Variants in DMD observed in about 807,000 individuals in gnomAD.
DMD encodes the protein dystrophin.
A neutral mutation model predicts 330.1 loss-of-function variants in DMD; 63 were observed. The ratio of observed to expected loss-of-function variants is 0.19; its 90% CI spans 0.16 to 0.24. DMD has a LOEUF of 0.24. Among genes scored for constraint, DMD ranks in the 10% least tolerant of loss-of-function variants. The pLI is 1.00. For synonymous variants in DMD, 1,223 were observed against 959.8 expected (o/e 1.27, Z -5.07); for missense variants, 3,344 against 2,684.1 (o/e 1.25, Z -5.43).
chrX:32,929,191 A>G (rs1397708696), intron 2 of DMD, among the ~76,000 whole-genome samples: 1 of 110,656 alleles, frequency 9.0e-6, no homozygotes, highest in Non-Finnish European at 1.9e-5. Flanking sequence ...TGATGGGGGG[A>G]CACTTAATTG....
intron 51 of DMD, 42 bp downstream of exon 51, chrX:31,773,918 T>C: frequency 8.7e-7 from 1 of 1,144,338 alleles, no homozygotes; most frequent in Non-Finnish European, 1.2e-6. Flanking sequence ...ATCTTCATTT[T>C]AAAGAAAAAC....
chrX:31,421,958 TACAC>T (rs1556630473), intron 60 of DMD, among the ~76,000 whole-genome samples: 22 of 67,792 alleles, frequency 3.2e-4, no homozygotes, highest in African/African-American at 1.7e-3. Flanking sequence ...TATATATATA[TACAC>T]ATATATATAT....
At chrX:31,265,798 T>A (rs1219644495) in intron 62 of DMD, among the ~76,000 whole-genome samples, 10 of 5,351 alleles carry the variant, frequency 1.9e-3, no homozygotes, top group African/African-American at 2.4e-3. Flanking sequence ...GGGGGGGGGG[T>A]GGGTGACAAG....
chrX:31,179,593 G>A (rs943606269), intron 69 of DMD, among the ~76,000 whole-genome samples: 16 of 111,732 alleles, frequency 1.4e-4, no homozygotes, highest in African/African-American at 5.2e-4. Context: ...CAGTCAACAG[G>A]GACAGGTTTA....
chrX:31,804,947 T>C (rs1449999877), intron 50 of DMD, among the ~76,000 whole-genome samples: 1 of 110,471 alleles, frequency 9.1e-6, no homozygotes, highest in Non-Finnish European at 1.9e-5. Flanking sequence ...TACATCCTAG[T>C]ATTTGTCACG....
chrX:32,508,583 A>T (rs2044885657), intron 18 of DMD, among the ~76,000 whole-genome samples: 1 of 111,349 alleles, frequency 9.0e-6, no homozygotes, highest in Admixed American at 9.5e-5. Flanking sequence ...TTTCCTATGT[A>T]AAATAGCAAT....
chrX:32,812,851 T>C (rs1371953315), intron 6 of DMD, among the ~76,000 whole-genome samples: 1 of 111,592 alleles, frequency 9.0e-6, no homozygotes, highest in Non-Finnish European at 1.9e-5. Context: ...AATTGTAGAA[T>C]ATTTAGGGGA....
intron 7 of DMD, among the ~76,000 whole-genome samples, chrX:32,795,525 T>C (rs1048673256): frequency 2.7e-5 from 3 of 111,473 alleles, no homozygotes; most frequent in Non-Finnish European, 5.7e-5. Flanking sequence ...GAAGCAAACA[T>C]AGGGAAAACA....
At chrX:31,692,016 T>C (rs987539441) in intron 52 of DMD, among the ~76,000 whole-genome samples, 1 of 111,892 alleles carries the variant, frequency 8.9e-6, no homozygotes, top group African/African-American at 3.2e-5. Context: ...GGATAGATCA[T>C]ATGTTAGGCC....
intron 5 of DMD, among the ~76,000 whole-genome samples, chrX:32,823,060 A>C (rs2078406394): frequency 8.9e-6 from 1 of 111,732 alleles, no homozygotes; most frequent in African/African-American, 3.2e-5. Context: ...TTTACCTTAT[A>C]CTTACTCAAT....
intron 7 of DMD, among the ~76,000 whole-genome samples, chrX:32,731,721 C>G (rs2067688984): frequency 8.9e-6 from 1 of 111,946 alleles, no homozygotes; most frequent in Admixed American, 9.5e-5. Flanking sequence ...AGAAGGAAAA[C>G]TAACAAACAG....
At chrX:31,156,607 A>T (rs182675687) in intron 74 of DMD, among the ~76,000 whole-genome samples, 313 of 112,083 alleles carry the variant, frequency 2.8e-3, no homozygotes, top group Non-Finnish European at 4.8e-3. Flanking sequence ...GAGGATTATT[A>T]AGCCAGTATG....
At chrX:32,069,409 T>C (rs1250371955) in intron 44 of DMD, among the ~76,000 whole-genome samples, 1 of 111,934 alleles carries the variant, frequency 8.9e-6, no homozygotes, top group Non-Finnish European at 1.9e-5. Context: ...TTTTCTCATA[T>C]ACATAATTAT....
chrX:33,045,885 T>C (rs973956478), intron 1 of DMD, among the ~76,000 whole-genome samples: 1 of 111,128 alleles, frequency 9.0e-6, no homozygotes, highest in Non-Finnish European at 1.9e-5. Flanking sequence ...GAGAAGGTCA[T>C]GGAAGTTAGG....
At chrX:31,606,666 T>G (rs776070874) in intron 55 of DMD, among the ~76,000 whole-genome samples, 2 of 112,161 alleles carry the variant, frequency 1.8e-5, no homozygotes, top group South Asian at 7.4e-4. Flanking sequence ...AGGATTTAGC[T>G]TTTTATTTTT....
chrX:31,235,182 AG>A (rs1161486395), intron 63 of DMD, among the ~76,000 whole-genome samples: 1 of 112,039 alleles, frequency 8.9e-6, no homozygotes, highest in Non-Finnish European at 1.9e-5. Flanking sequence ...CTTTATCATG[AG>A]GATGCTTATG....
At chrX:32,900,078 C>T (rs1245070945) in intron 2 of DMD, among the ~76,000 whole-genome samples, 1 of 111,966 alleles carries the variant, frequency 8.9e-6, no homozygotes, top group Non-Finnish European at 1.9e-5. Context: ...AATCGGTATT[C>T]CTATTTAACT....
rs917436541 is a variant in DMD at position 32,171,400 on chromosome X, T to C, written c.6438+45516A>G. Among the ~76,000 whole-genome samples, 3 of 111,705 alleles carry C rather than the reference T, an allele frequency of 2.7e-5. No individual in the cohort carries two copies. The Admixed American group carries it at 2.9e-4, about 11-fold the overall frequency. On this transcript the variant is annotated intron_variant, in intron 44 of 78. Transcript: ENST00000357033. ...GAAGTTTTTCCTTAGCACTAACATC[T>C]CAGCAATACGTAAAGATATCACATC... is the stretch of plus-strand genomic sequence containing the variant.
At chrX:31,877,667 T>TTGTG (rs10670657) in intron 47 of DMD, among the ~76,000 whole-genome samples, 26,223 of 101,994 alleles carry the variant, frequency 0.26, 2,723 homozygotes, top group Middle Eastern at 0.39. Flanking sequence ...TGCTGAACTC[T>TTGTG]TGTGTGTGTG....
Sources: gnomAD v4.1 joint callset for allele counts (sites outside exome capture counted in the v4.1 genomes callset) on GRCh38, gnomAD v4.1.1 for gene constraint, MANE v1.5 for transcripts, NCBI Gene and HGNC (gene_info 2026-07-23, HGNC 2026-07-21) for gene names.